Variants in SLCO6A1 observed in about 807,000 individuals in gnomAD.
The protein encoded by SLCO6A1 is solute carrier organic anion transporter family member 6A1, also known as cancer/testis antigen 48.
A neutral mutation model predicts 72.7 loss-of-function variants in SLCO6A1; 65 were observed. That is an observed-to-expected ratio of 0.89 (90% CI 0.73 to 1.10). The LOEUF is 1.10. SLCO6A1 is among the 50% of genes least tolerant of loss of function. The pLI, the probability that SLCO6A1 is intolerant of heterozygous loss-of-function variation, is 0.00. For synonymous variants in SLCO6A1, 314 were observed against 298.2 expected (o/e 1.05, Z -0.55); for missense variants, 874 against 872.6 (o/e 1.00, Z -0.02).
At chr5:102,454,065 T>G (rs1750572842) in intron 6 of SLCO6A1, among the ~76,000 whole-genome samples, 1 of 152,196 alleles carries the variant, frequency 6.6e-6, no homozygotes, top group Non-Finnish European at 1.5e-5. Context: ...ATCTTTTACA[T>G]TTTTGGCTGG....
intron 9 of SLCO6A1, among the ~76,000 whole-genome samples, chr5:102,403,323 T>C (rs1747498977): frequency 6.6e-6 from 1 of 152,120 alleles, no homozygotes; most frequent in Admixed American, 6.5e-5. Flanking sequence ...GTAATGGTAA[T>C]GAAAGTACAG....
chr5:102,450,893 C>G (rs1750380083), intron 6 of SLCO6A1, among the ~76,000 whole-genome samples: 1 of 152,200 alleles, frequency 6.6e-6, no homozygotes, highest in Non-Finnish European at 1.5e-5. Flanking sequence ...AGCACTCAGA[C>G]CCTTTATCTC....
intron 6 of SLCO6A1, among the ~76,000 whole-genome samples, chr5:102,450,908 C>T (rs1750380821): frequency 6.6e-6 from 1 of 152,138 alleles, no homozygotes; most frequent in Non-Finnish European, 1.5e-5. Flanking sequence ...TATCTCTTTG[C>T]CAGCCTAAGG....
intron 8 of SLCO6A1, among the ~76,000 whole-genome samples, chr5:102,419,025 G>C (rs1426733771): frequency 6.6e-6 from 1 of 151,756 alleles, no homozygotes; most frequent in African/African-American, 2.4e-5. Flanking sequence ...CTTACTAGAT[G>C]CTTTTGCCCA....
chr5:102,436,591 G>A (rs1341593442), intron 7 of SLCO6A1, among the ~76,000 whole-genome samples: 5 of 152,162 alleles, frequency 3.3e-5, no homozygotes, highest in Non-Finnish European at 4.4e-5. Context: ...AAGCTGATAA[G>A]CAAGCTGTGG....
chr5:102,454,122 G>T (rs956599366), intron 6 of SLCO6A1, among the ~76,000 whole-genome samples: 5 of 152,272 alleles, frequency 3.3e-5, no homozygotes, highest in East Asian at 1.9e-4. Context: ...TAGCTACGAT[G>T]CTGGCCTTTT....
intron 7 of SLCO6A1, among the ~76,000 whole-genome samples, chr5:102,426,696 C>A (rs558603431): frequency 6.6e-6 from 1 of 152,014 alleles, no homozygotes; most frequent in South Asian, 2.1e-4. Context: ...TCAATCATTG[C>A]GGAAAACAGT....
chr5:102,389,049 G>T (rs904691370), intron 11 of SLCO6A1, among the ~76,000 whole-genome samples: 1 of 152,046 alleles, frequency 6.6e-6, no homozygotes. Context: ...TAGTAGTTTT[G>T]CTTCTGTTTA....
intron 9 of SLCO6A1, among the ~76,000 whole-genome samples, chr5:102,403,486 C>T (rs977357824): frequency 2.0e-5 from 3 of 152,030 alleles, no homozygotes; most frequent in African/African-American, 7.2e-5. Flanking sequence ...TCTAAGATAT[C>T]ATGTTAAAAG....
chr5:102,495,351 T>C (rs1450376897), intron 1 of SLCO6A1, among the ~76,000 whole-genome samples: 2 of 152,202 alleles, frequency 1.3e-5, no homozygotes, highest in Admixed American at 1.3e-4. Flanking sequence ...TCCAGCACTT[T>C]GGGAGGCCGC....
chr5:102,418,185 CATAAAGTATATGTATATGT>C (rs1748396481), intron 8 of SLCO6A1, among the ~76,000 whole-genome samples: 1 of 151,668 alleles, frequency 6.6e-6, no homozygotes, highest in African/African-American at 2.4e-5. Context: ...GACATTTATA[CATAAAGTATATGTATATGT>C]ATAAAGTATA....
At chr5:102,382,378 C>G (rs1043805445) in intron 12 of SLCO6A1, among the ~76,000 whole-genome samples, 4 of 151,696 alleles carry the variant, frequency 2.6e-5, no homozygotes, top group African/African-American at 4.8e-5. Context: ...GTTTTGGTTA[C>G]TATAGCTTTG....
intron 2 of SLCO6A1, among the ~76,000 whole-genome samples, chr5:102,478,622 A>G (rs540375718): frequency 6.6e-6 from 1 of 152,244 alleles, no homozygotes; most frequent in South Asian, 2.1e-4. Flanking sequence ...TATTTCTTAT[A>G]CTTTTTTTAT....
chr5:102,471,611 T>A (rs752085439), intron 4 of SLCO6A1, among the ~76,000 whole-genome samples: 2 of 152,106 alleles, frequency 1.3e-5, no homozygotes, highest in African/African-American at 2.4e-5. Flanking sequence ...AAAGCCTTAA[T>A]CCCAATCCAC....
intron 9 of SLCO6A1, among the ~76,000 whole-genome samples, chr5:102,404,387 T>C (rs1747557541): frequency 6.6e-6 from 1 of 152,088 alleles, no homozygotes; most frequent in Non-Finnish European, 1.5e-5. Flanking sequence ...CCCAGCTACT[T>C]GGGAGGCTGA....
chr5:102,451,457 G>A (rs780728448), intron 6 of SLCO6A1, among the ~76,000 whole-genome samples: 11 of 152,202 alleles, frequency 7.2e-5, no homozygotes, highest in Admixed American at 2.6e-4. Context: ...CAGAAACACA[G>A]CTGCTAGCAT....
chr5:102,439,446 T>C (rs1749718344), intron 6 of SLCO6A1, among the ~76,000 whole-genome samples: 4 of 152,144 alleles, frequency 2.6e-5, no homozygotes, highest in Admixed American at 2.0e-4. Flanking sequence ...TATTTAGTGC[T>C]ATTTTATGTT....
At chr5:102,464,033 C>T (rs1386888903) in intron 4 of SLCO6A1, among the ~76,000 whole-genome samples, 1 of 151,676 alleles carries the variant, frequency 6.6e-6, no homozygotes, top group Non-Finnish European at 1.5e-5. Flanking sequence ...ACTTTGGGGA[C>T]TTGCAGGGAA....
chr5:102,372,570 C>A (rs1022631094), intron 13 of SLCO6A1, among the ~76,000 whole-genome samples: 1 of 151,484 alleles, frequency 6.6e-6, no homozygotes, highest in African/African-American at 2.4e-5. Context: ...TTAAATATTT[C>A]TTCACATTAA....
Sources: gnomAD v4.1 joint callset for allele counts (sites outside exome capture counted in the v4.1 genomes callset) on GRCh38, gnomAD v4.1.1 for gene constraint, MANE v1.5 for transcripts, NCBI Gene and HGNC (gene_info 2026-07-23, HGNC 2026-07-21) for gene names.